Variants in ASCC3 observed in about 807,000 individuals in gnomAD.
The protein encoded by ASCC3 is ASC-1 complex subunit P200.
A neutral mutation model predicts 256.3 loss-of-function variants in ASCC3; 158 were observed. The ratio of observed to expected loss-of-function variants is 0.62; its 90% CI spans 0.54 to 0.70. The LOEUF (loss-of-function observed/expected upper bound fraction) is 0.70, where lower values mean the gene tolerates loss of function less well. Ranked by LOEUF, ASCC3 falls within the 30% of genes least tolerant of loss-of-function variation. The pLI is 0.00. For missense variants in ASCC3, 2,259 were observed against 2,626.0 expected (o/e 0.86, Z 3.05); for synonymous variants, 948 against 883.4 (o/e 1.07, Z -1.30).
At chr6:100,858,495 C>T (rs1173145694) in intron 3 of ASCC3, 10 of 798,390 alleles carry the variant, frequency 1.3e-5, no homozygotes, top group Non-Finnish European at 1.2e-5. Context: ...CCTTCTATTC[C>T]TAGTTTGCTG....
intron 14 of ASCC3, among the ~76,000 whole-genome samples, chr6:100,672,429 T>C (rs1406302142): frequency 1.3e-5 from 2 of 152,162 alleles, no homozygotes; most frequent in African/African-American, 2.4e-5. Context: ...GGTTACTAGA[T>C]GATAAAGTCC....
intron 10 of ASCC3, among the ~76,000 whole-genome samples, chr6:100,729,762 C>A (rs925141732): frequency 6.6e-6 from 1 of 152,098 alleles, no homozygotes; most frequent in African/African-American, 2.4e-5. Context: ...AAAAGGAATA[C>A]ACAAATTTTA....
At chr6:100,852,878 G>C (rs1249642606) in intron 3 of ASCC3, among the ~76,000 whole-genome samples, 2 of 151,952 alleles carry the variant, frequency 1.3e-5, no homozygotes, top group African/African-American at 4.8e-5. Context: ...GATGCACTTA[G>C]AAGGTCCCTA....
chr6:100,663,503 G>A (rs1776326843), intron 14 of ASCC3, among the ~76,000 whole-genome samples: 12 of 151,968 alleles, frequency 7.9e-5, no homozygotes, highest in Admixed American at 7.9e-4. Context: ...GACTGTTTAA[G>A]TATCACAGTG....
chr6:100,824,957 A>G (rs1370746733), intron 4 of ASCC3, among the ~76,000 whole-genome samples: 4 of 152,222 alleles, frequency 2.6e-5, no homozygotes, highest in Non-Finnish European at 2.9e-5. Context: ...AAAGGCCAGG[A>G]AAAAATTTAA....
chr6:100,521,579 T>C (rs1369203946), intron 37 of ASCC3, among the ~76,000 whole-genome samples: 2 of 152,172 alleles, frequency 1.3e-5, no homozygotes, highest in Non-Finnish European at 2.9e-5. Context: ...TTCTGTACTA[T>C]CCATGGTTTT....
chr6:100,608,127 C>CATATATATGTATATATATGTATATATAG (rs1562161249), intron 30 of ASCC3, among the ~76,000 whole-genome samples: 2 of 113,150 alleles, frequency 1.8e-5, no homozygotes, highest in East Asian at 4.9e-4. Context: ...TCTATATATA[C>CATATATATGTATATATATGTATATATAG]ATATATATGT....
chr6:100,848,908 C>A (rs1329325096), intron 3 of ASCC3, among the ~76,000 whole-genome samples: 1 of 152,118 alleles, frequency 6.6e-6, no homozygotes, highest in African/African-American at 2.4e-5. Context: ...GAGTTCAAGA[C>A]CAGCCTGGGC....
intron 37 of ASCC3, among the ~76,000 whole-genome samples, chr6:100,522,055 G>A (rs565860065): frequency 2.4e-4 from 36 of 152,254 alleles, no homozygotes; most frequent in Non-Finnish European, 3.5e-4. Context: ...TTTAGTACAC[G>A]GAGGATAAAT....
intron 38 of ASCC3, among the ~76,000 whole-genome samples, chr6:100,517,122 G>C (rs561098334): frequency 1.7e-3 from 261 of 152,098 alleles, no homozygotes; most frequent in African/African-American, 5.7e-3. Flanking sequence ...GACATCCCAT[G>C]GTAAGAACCC....
chr6:100,673,835 C>T (rs1205279115), intron 14 of ASCC3, among the ~76,000 whole-genome samples: 1 of 152,186 alleles, frequency 6.6e-6, no homozygotes, highest in Non-Finnish European at 1.5e-5. Context: ...ATTGTCTGAC[C>T]ATGCCTAGCC....
intron 36 of ASCC3, among the ~76,000 whole-genome samples, chr6:100,585,276 TTTCTTTTTA>T (rs1300671716): frequency 2.0e-5 from 3 of 152,302 alleles, no homozygotes; most frequent in African/African-American, 7.2e-5. Context: ...GCTTTGTTCG[TTTCTTTTTA>T]TTCTTTTTTC....
intron 25 of ASCC3, among the ~76,000 whole-genome samples, chr6:100,631,530 C>T (rs1170112691): frequency 6.6e-6 from 1 of 151,488 alleles, no homozygotes; most frequent in Non-Finnish European, 1.5e-5. Flanking sequence ...TTATATTCTA[C>T]ATAATAAAAA....
At chr6:100,854,364 G>A (rs1304851540) in intron 3 of ASCC3, among the ~76,000 whole-genome samples, 1 of 151,924 alleles carries the variant, frequency 6.6e-6, no homozygotes, top group Non-Finnish European at 1.5e-5. Context: ...AACTCTTTCC[G>A]TGCATGAAAG....
intron 10 of ASCC3, among the ~76,000 whole-genome samples, chr6:100,726,002 A>C (rs1206492951): frequency 6.6e-6 from 1 of 151,544 alleles, no homozygotes; most frequent in African/African-American, 2.4e-5. Flanking sequence ...AAAAAAAAAA[A>C]AAACAGTAAG....
rs555056372 is a variant in ASCC3 at position 100,777,566 on chromosome 6, A to G, written c.1396-10221T>C. 2.0e-5 allele frequency among the ~76,000 whole-genome samples: 3 copies of G among 152,276 alleles called. No homozygotes were observed. The South Asian group carries it at 6.2e-4, about 32-fold the overall frequency. On this transcript the variant is annotated intron_variant, in intron 8 of 41. Transcript: ENST00000369162. ...TAGATGGTGTAATGGGGAGTGAGAC[A>G]TAACAGTTACCTTAAATTAGGTTTC...
chr6:100,822,981 C>G lies in ASCC3; in HGVS notation c.802-17101G>C, dbSNP rs1327874947. The stretch of plus-strand genomic sequence containing the variant: ...ATATTTGGAAGATAACTTCTAGTGC[C>G]AAGTCCCAAGCATAGGATCACCACA... On this transcript the variant is annotated intron_variant, in intron 4 of 41. Transcript: ENST00000369162. Among the ~76,000 whole-genome samples the G allele has an allele frequency of 2.6e-5, 4 of 152,082 alleles. No homozygotes were observed. In the East Asian group the frequency reaches 7.7e-4, roughly 29 times the overall value.
intron 4 of ASCC3, among the ~76,000 whole-genome samples, chr6:100,817,050 G>T (rs574644491): frequency 6.6e-6 from 1 of 151,860 alleles, no homozygotes; most frequent in African/African-American, 2.4e-5. Context: ...TCTCTAGCAC[G>T]CATGAAACTT....
intron 38 of ASCC3, 141 bp from the exon 39 acceptor site, chr6:100,516,468 A>C (rs1774035462): frequency 9.5e-7 from 1 of 1,056,226 alleles, no homozygotes; most frequent in African/African-American, 1.6e-5. Flanking sequence ...AAGTTTAAAA[A>C]TTCAGCCAGC....
Sources: allele counts gnomAD v4.1 joint callset (sites outside exome capture counted in the v4.1 genomes callset), GRCh38; gene constraint gnomAD v4.1.1; transcripts MANE v1.5; gene names NCBI Gene and HGNC (gene_info 2026-07-23, HGNC 2026-07-21).